TMEM184C: variants seen among roughly 807,000 people sequenced by gnomAD.
The protein encoded by TMEM184C is transmembrane protein 184C.
A neutral mutation model predicts 54.5 loss-of-function variants in TMEM184C; 25 were observed. That is an observed-to-expected ratio of 0.46 (90% CI 0.33 to 0.64). The LOEUF is 0.64. TMEM184C is among the 30% of genes least tolerant of loss of function. The pLI, the probability that TMEM184C is intolerant of heterozygous loss-of-function variation, is 0.02. For synonymous variants in TMEM184C, 148 were observed against 181.5 expected (o/e 0.82, Z 1.49); for missense variants, 335 against 520.3 (o/e 0.64, Z 3.46).
chr4:147,621,241 C>A (rs913910830), intron 1 of TMEM184C, among the ~76,000 whole-genome samples: 2 of 152,148 alleles, frequency 1.3e-5, no homozygotes, highest in East Asian at 3.8e-4. Flanking sequence ...CTCAGGAAGA[C>A]CTGGCCCAGA....
intron 4 of TMEM184C, among the ~76,000 whole-genome samples, chr4:147,626,010 C>A (rs1392874449): frequency 6.6e-6 from 1 of 151,952 alleles, no homozygotes; most frequent in Non-Finnish European, 1.5e-5. Flanking sequence ...TCAAAGCTGT[C>A]CACTTATACT....
intron 6 of TMEM184C, among the ~76,000 whole-genome samples, chr4:147,630,935 ATTGT>A (rs1409969528): frequency 2.6e-5 from 4 of 152,118 alleles, no homozygotes; most frequent in African/African-American, 4.8e-5. Context: ...CTCAGGAAAA[ATTGT>A]TTGATTCTTT....
At chr4:147,619,180 G>C (rs532762024) in intron 1 of TMEM184C, among the ~76,000 whole-genome samples, 189 of 147,194 alleles carry the variant, frequency 1.3e-3, no homozygotes, top group Non-Finnish European at 2.5e-3. Flanking sequence ...ATACTTACTT[G>C]TTGTTGTTGT....
Position 147,635,979 on chromosome 4 carries a change from T to C in TMEM184C, c.*1545T>C, listed in dbSNP as rs1246895809. ...TACACTGAAAACTATGAAACACTGATGAAAGAAAGACACAAATAAATGGAA... is the reference window on the plus strand; with the variant it reads ...TACACTGAAAACTATGAAACACTGACGAAAGAAAGACACAAATAAATGGAA... On this transcript the variant is annotated 3_prime_UTR_variant, in exon 10 of 10. Transcript: ENST00000296582. 6.6e-6 allele frequency: 1 copy of C among 152,028 alleles called. No homozygotes were observed. The highest frequency in any genetic ancestry group is 2.4e-5 in the African/African-American group (1 of 41,396). 9.4% of individuals were successfully genotyped at this position (152,028 alleles called of 1,614,324 possible). A position where few individuals can be genotyped will look rare whatever the true frequency, so the allele number is the denominator to read the frequency against.
At chr4:147,633,188 C>T (rs958614365) in intron 8 of TMEM184C, among the ~76,000 whole-genome samples, 186 bp downstream of exon 8, 2 of 151,972 alleles carry the variant, frequency 1.3e-5, no homozygotes, top group Non-Finnish European at 1.5e-5. Flanking sequence ...TGAATAAAAC[C>T]TGGATTTCAT....
chr4:147,623,391 C>T (rs1014213418), intron 1 of TMEM184C, among the ~76,000 whole-genome samples: 2 of 150,800 alleles, frequency 1.3e-5, no homozygotes, highest in Admixed American at 6.6e-5. Context: ...GCCAAGATCG[C>T]GCCGCTGTAC....
chr4:147,633,392 C>T (rs911544207), intron 8 of TMEM184C, among the ~76,000 whole-genome samples: 4 of 150,372 alleles, frequency 2.7e-5, no homozygotes, highest in African/African-American at 7.4e-5. Context: ...ACCAGGCATT[C>T]GAGATCAGCC....
chr4:147,624,275 ATAT>A (rs1318676920), intron 3 of TMEM184C, among the ~76,000 whole-genome samples, 177 bp downstream of exon 3: 5 of 152,126 alleles, frequency 3.3e-5, no homozygotes, highest in African/African-American at 1.2e-4. Context: ...GTAAAATGTT[ATAT>A]TATAAATGTT....
At chr4:147,623,810 T>C in intron 1 of TMEM184C, 24 bp from the exon 2 acceptor site, 7 of 1,610,714 alleles carry the variant, frequency 4.3e-6, no homozygotes, top group Non-Finnish European at 5.9e-6. Context: ...GAATTTATAT[T>C]AACATGTTAT....
chr4:147,626,107 C>T (rs930284790), intron 4 of TMEM184C, among the ~76,000 whole-genome samples: 2 of 152,072 alleles, frequency 1.3e-5, no homozygotes, highest in African/African-American at 4.8e-5. Flanking sequence ...AATGCAGGGT[C>T]TGCAAAATAT....
rs955142238 is a variant in TMEM184C at position 147,624,446 on chromosome 4, T to C, written c.291+348T>C. Among the ~76,000 whole-genome samples the C allele has an allele frequency of 2.6e-5, 4 of 152,188 alleles. 1 individual carries two copies. Among genetic ancestry groups the C allele is most frequent in the African/African-American group, 9.7e-5 (4 of 41,450 alleles). The stretch of plus-strand genomic sequence containing the variant: ...TGGATACACATGAAATTGTTGTAGA[T>C]GACTGCTTCTAATATGAGTAAATAT... On this transcript the variant is annotated intron_variant, in intron 3 of 9. Transcript: ENST00000296582.
At chr4:147,623,389 C>T (rs1192161010) in intron 1 of TMEM184C, among the ~76,000 whole-genome samples, 3 of 151,012 alleles carry the variant, frequency 2.0e-5, no homozygotes, top group African/African-American at 4.9e-5. Context: ...GAGCCAAGAT[C>T]GCGCCGCTGT....
intron 6 of TMEM184C, 115 bp from the exon 7 acceptor site, chr4:147,631,278 G>A: frequency 1.5e-6 from 1 of 657,340 alleles, no homozygotes; most frequent in South Asian, 2.4e-5. Flanking sequence ...GAATAATAAA[G>A]CCTAGAAAAG....
In TMEM184C at chr4:147,635,024, G is replaced by A. The variant is rs1231184986; in HGVS notation, c.*590G>A. 3 of 152,174 alleles carry A rather than the reference G, an allele frequency of 2.0e-5. No homozygotes were observed. Among genetic ancestry groups the A allele is most frequent in the Non-Finnish European group, 2.9e-5 (2 of 68,124 alleles). 9.4% of individuals were successfully genotyped at this position (152,174 alleles called of 1,614,324 possible). On this transcript the variant is annotated 3_prime_UTR_variant, in exon 10 of 10. Transcript: ENST00000296582. ...GGCGTGAGCCACTGCGCCTGGCCAA[G>A]AATGGACATTTTTTAAAAAAACATC...
rs903662808 is a variant in TMEM184C, at chr4:147,619,633, T to C, written c.123+1554T>C. Reference sequence around the variant, plus strand: ...TTAATACAAATGGGATTTTCTTACTTTGAAATATTTCCGTGGAGTATAGTA... The same window carrying C: ...TTAATACAAATGGGATTTTCTTACTCTGAAATATTTCCGTGGAGTATAGTA... On this transcript the variant is annotated intron_variant, in intron 1 of 9. Coordinates refer to ENST00000296582, the MANE Select transcript of TMEM184C (RefSeq NM_018241.3). Among the ~76,000 whole-genome samples, 5 of 152,358 alleles carry C rather than the reference T, an allele frequency of 3.3e-5. No homozygotes were observed. The East Asian group carries it at 7.7e-4, about 23-fold the overall frequency.
chr4:147,618,960 C>T (rs1263498569), intron 1 of TMEM184C, among the ~76,000 whole-genome samples: 1 of 152,186 alleles, frequency 6.6e-6, no homozygotes, highest in Non-Finnish European at 1.5e-5. Flanking sequence ...ACCTCCGCCT[C>T]CTGGGTTCAA....
intron 6 of TMEM184C, 88 bp downstream of exon 6, chr4:147,629,780 G>C: frequency 1.2e-6 from 1 of 834,542 alleles, no homozygotes; most frequent in Non-Finnish European, 1.7e-6. Flanking sequence ...TTAGGATAAG[G>C]CTTGCTTCTT....
In TMEM184C at chr4:147,628,376, G is replaced by A. The variant is rs1732851906; in HGVS notation, c.513G>A (p.Arg171=). 3 of 1,612,904 alleles carry A rather than the reference G, an allele frequency of 1.9e-6. No individual in the cohort carries two copies. Among genetic ancestry groups the A allele is most frequent in the Non-Finnish European group, 2.5e-6 (3 of 1,179,720 alleles). Residue 171 remains arginine, a synonymous_variant, in exon 5 of 10, where the codon AGG becomes AGA. Transcript: ENST00000296582. Reference sequence around the variant, plus strand: ...TCTTTTGCAGAGTATTGCTGTTTAGGTGCAAACTAGGTGTATTACAGTACA... The same window carrying A: ...TCTTTTGCAGAGTATTGCTGTTTAGATGCAAACTAGGTGTATTACAGTACA... ...PWAMGEVLLF[R]CKLGVLQYTV...
chr4:147,631,634 T>G (rs760004299), intron 7 of TMEM184C, 129 bp downstream of exon 7: 2 of 681,912 alleles, frequency 2.9e-6, no homozygotes, highest in Non-Finnish European at 4.9e-6. Context: ...TTTTTAAAAG[T>G]TCATCTTTTT....
Sources: gnomAD v4.1 joint callset for allele counts (sites outside exome capture counted in the v4.1 genomes callset) on GRCh38, gnomAD v4.1.1 for gene constraint, MANE v1.5 for transcripts, NCBI Gene and HGNC (gene_info 2026-07-23, HGNC 2026-07-21) for gene names.